Variants in GALNTL6 observed in about 807,000 individuals in gnomAD.
The protein encoded by GALNTL6 is polypeptide N-acetylgalactosaminyltransferase-like 6.
Under a neutral mutation model 73.7 loss-of-function variants are expected in GALNTL6, and 46 were observed. The observed-to-expected ratio is 0.62, with a 90% CI of 0.49 to 0.80. The LOEUF (loss-of-function observed/expected upper bound fraction) is 0.80. Among genes scored for constraint, GALNTL6 ranks in the 30% least tolerant of loss-of-function variants. The pLI is 0.00. For synonymous variants in GALNTL6, 259 were observed against 263.7 expected (o/e 0.98, Z 0.17); for missense variants, 604 against 755.0 (o/e 0.80, Z 2.34).
intron 2 of GALNTL6, among the ~76,000 whole-genome samples, chr4:171,962,980 A>G (rs370748005): frequency 6.6e-6 from 1 of 151,268 alleles, no homozygotes; most frequent in Non-Finnish European, 1.5e-5. Flanking sequence ...GTTGGCCAGG[A>G]TGGTCTCAAT....
At chr4:172,072,486 G>A (rs1021719898) in intron 2 of GALNTL6, among the ~76,000 whole-genome samples, 5 of 152,008 alleles carry the variant, frequency 3.3e-5, no homozygotes, top group African/African-American at 9.7e-5. Flanking sequence ...AACTACACAC[G>A]TAAAAGATAA....
At chr4:172,877,069 T>C (rs2111178446) in intron 7 of GALNTL6, among the ~76,000 whole-genome samples, 1 of 152,276 alleles carries the variant, frequency 6.6e-6, no homozygotes, top group Non-Finnish European at 1.5e-5. Flanking sequence ...TGAATGGAAA[T>C]TGTGAGCCAG....
intron 2 of GALNTL6, among the ~76,000 whole-genome samples, chr4:171,869,326 T>A (rs943598557): frequency 6.6e-6 from 1 of 152,284 alleles, no homozygotes; most frequent in Admixed American, 6.5e-5. Context: ...CTAAACAAAA[T>A]GAATAATCAA....
intron 5 of GALNTL6, among the ~76,000 whole-genome samples, chr4:172,728,736 T>C (rs1348391012): frequency 1.1e-4 from 17 of 152,188 alleles, no homozygotes; most frequent in Admixed American, 1.0e-3. Flanking sequence ...CTCAGATATA[T>C]ACACCGTAGT....
intron 8 of GALNTL6, among the ~76,000 whole-genome samples, chr4:172,891,623 G>C (rs1012881078): frequency 1.8e-4 from 28 of 152,108 alleles, no homozygotes; most frequent in African/African-American, 6.5e-4. Flanking sequence ...CCTGGGGATG[G>C]TCATCTTGTA....
intron 2 of GALNTL6, among the ~76,000 whole-genome samples, chr4:172,014,151 T>C (rs1367076645): frequency 1.3e-5 from 2 of 152,124 alleles, no homozygotes; most frequent in African/African-American, 4.8e-5. Flanking sequence ...TTCCAAACCT[T>C]TGCTATCATG....
intron 5 of GALNTL6, among the ~76,000 whole-genome samples, chr4:172,553,542 G>A (rs1044822432): frequency 6.6e-6 from 1 of 152,026 alleles, no homozygotes; most frequent in Admixed American, 6.6e-5. Flanking sequence ...GTTAAATTTT[G>A]CCTTAAAATC....
chr4:172,982,026 C>T (rs936922023), intron 10 of GALNTL6, among the ~76,000 whole-genome samples: 2 of 151,974 alleles, frequency 1.3e-5, no homozygotes, highest in African/African-American at 4.8e-5. Context: ...AACTCCTGAC[C>T]TCAGGTGATC....
In GALNTL6 at chr4:172,928,186, A is replaced by G. The variant is rs752250193; in HGVS notation, c.1042-2975A>G. Among the ~76,000 whole-genome samples, 10 of 152,332 alleles carry G rather than the reference A, an allele frequency of 6.6e-5. No individual in the cohort carries two copies. In the South Asian group the frequency reaches 8.3e-4, roughly 13 times the overall value. On this transcript the variant is annotated intron_variant, in intron 8 of 12. Coordinates refer to ENST00000506823, the MANE Select transcript of GALNTL6 (RefSeq NM_001034845.3). Reference sequence around the variant, plus strand: ...TCCAAAAGATACCATATGACCTACAAAGGCAAAAGTATTTATTTTCTGGCC... The same window carrying G: ...TCCAAAAGATACCATATGACCTACAGAGGCAAAAGTATTTATTTTCTGGCC...
At chr4:172,609,171 A>G (rs1166269215) in intron 5 of GALNTL6, among the ~76,000 whole-genome samples, 1 of 152,038 alleles carries the variant, frequency 6.6e-6, no homozygotes, top group Non-Finnish European at 1.5e-5. Flanking sequence ...TTCTAGTACT[A>G]TTATTCATGT....
At position 171,960,688 on chromosome 4, in the gene GALNTL6, TAA is replaced by T. The variant is rs201299722; in HGVS notation, c.138+145991_138+145992del. Among the ~76,000 whole-genome samples the T allele has an allele frequency of 2.8e-3, 368 of 129,488 alleles. 2 individuals carry two copies. Among genetic ancestry groups the T allele is most frequent in the Middle Eastern group, 0.013 (3 of 234 alleles). The allele number at this position is 129,488 out of a possible 152,430, so 84.9% of individuals were successfully genotyped here. A position where few individuals can be genotyped will look rare whatever the true frequency, so the allele number is the denominator to read the frequency against. ...ACTCAGAGAAATGACTGTCTTTATT[TAA>T]AAAAAAAAAAAAAAAAAAAAGTCAA... is the stretch of plus-strand genomic sequence containing the variant. On this transcript the variant is annotated intron_variant, in intron 2 of 12. Coordinates refer to ENST00000506823, the MANE Select transcript of GALNTL6 (RefSeq NM_001034845.3).
chr4:172,923,409 T>A (rs1348202171), intron 8 of GALNTL6, among the ~76,000 whole-genome samples: 4 of 152,074 alleles, frequency 2.6e-5, no homozygotes, highest in Admixed American at 1.3e-4. Flanking sequence ...TTCAGTTACC[T>A]CCCACTGGGT....
chr4:172,380,190 G>C (rs1743227775), intron 5 of GALNTL6: 1 of 1,015,462 alleles, frequency 9.8e-7, no homozygotes, highest in Non-Finnish European at 1.6e-6. Context: ...GTGCGGATCT[G>C]CAGGGCTGGG....
At chr4:172,158,708 G>T (rs1734361447) in intron 2 of GALNTL6, among the ~76,000 whole-genome samples, 1 of 152,112 alleles carries the variant, frequency 6.6e-6, no homozygotes, top group African/African-American at 2.4e-5. Context: ...AGTCTAATTT[G>T]TGCCAAGTAG....
At position 171,889,040 on chromosome 4, in the gene GALNTL6, A is replaced by G. The variant is rs79180075; in HGVS notation, c.138+74322A>G. 1.6e-3 allele frequency among the ~76,000 whole-genome samples: 246 copies of G among 152,172 alleles called. 6 individuals are homozygous for G. The East Asian group carries it at 0.038, about 24-fold the overall frequency. The stretch of plus-strand genomic sequence containing the variant: ...TTCATATGATCCTTAAAGAAAAAAG[A>G]AAAGAAAAGAGAAAGAAAATCACAA... On this transcript the variant is annotated intron_variant, in intron 2 of 12. Coordinates refer to ENST00000506823, the MANE Select transcript of GALNTL6 (RefSeq NM_001034845.3).
At chr4:172,035,964 C>G (rs988511475) in intron 2 of GALNTL6, among the ~76,000 whole-genome samples, 6 of 151,942 alleles carry the variant, frequency 3.9e-5, no homozygotes, top group Non-Finnish European at 1.5e-5. Flanking sequence ...GCTATAAAAT[C>G]TTTTATGTAA....
chr4:171,843,869 A>G (rs1335353645), intron 2 of GALNTL6, among the ~76,000 whole-genome samples: 1 of 152,194 alleles, frequency 6.6e-6, no homozygotes, highest in Non-Finnish European at 1.5e-5. Flanking sequence ...CTGATTTTCT[A>G]TTAATGATTA....
chr4:172,418,917 A>G (rs1009695245), intron 5 of GALNTL6, among the ~76,000 whole-genome samples: 1 of 147,294 alleles, frequency 6.8e-6, no homozygotes, highest in Non-Finnish European at 1.5e-5. Context: ...AAGGATTATT[A>G]AAATTTTTAA....
chr4:172,109,830 A>C (rs1475300407), intron 2 of GALNTL6, among the ~76,000 whole-genome samples: 1 of 152,200 alleles, frequency 6.6e-6, no homozygotes, highest in East Asian at 1.9e-4. Flanking sequence ...ATCTTAGTCC[A>C]TTGGCTTCAC....
Sources: allele counts gnomAD v4.1 joint callset (sites outside exome capture counted in the v4.1 genomes callset), GRCh38; gene constraint gnomAD v4.1.1; transcripts MANE v1.5; gene names NCBI Gene and HGNC (gene_info 2026-07-23, HGNC 2026-07-21).